LMX1B: variants seen among roughly 807,000 people sequenced by gnomAD.
LMX1B encodes the protein LIM homeobox transcription factor 1-beta.
In LMX1B, 12 loss-of-function variants were observed where a neutral mutation model predicts 51.4. That is an observed-to-expected ratio of 0.23 (90% CI 0.15 to 0.38). The LOEUF (loss-of-function observed/expected upper bound fraction) is 0.38. Ranked by LOEUF, LMX1B falls within the 10% of genes least tolerant of loss-of-function variation. LMX1B has a pLI of 1.00. For synonymous variants in LMX1B, 237 were observed against 235.4 expected, an observed-to-expected ratio of 1.01 and a Z score of -0.06; for missense variants, 445 against 571.1, an observed-to-expected ratio of 0.78 and a Z score of 2.25.
intron 2 of LMX1B, among the ~76,000 whole-genome samples, chr9:126,678,423 A>T (rs1836613583): frequency 6.6e-6 from 1 of 152,060 alleles, no homozygotes; most frequent in Non-Finnish European, 1.5e-5. Context: ...GAAGGGCAAG[A>T]AGGAGCTCAC....
Position 126,673,270 on chromosome 9 carries a change from G to C in LMX1B, c.327-17566G>C, listed in dbSNP as rs1250789708. On this transcript the variant is annotated intron_variant, in intron 2 of 7. Coordinates refer to ENST00000373474, the MANE Select transcript of LMX1B (RefSeq NM_001174147.2). The surrounding 1 kb of genome is among the most constrained non-coding windows in gnomAD (Gnocchi z 4.4). Reference sequence around the variant, plus strand: ...CCCCTACCTAGGGAAAGGGCATTGAGGGGACCTGTCAGAGTGAATGGGGAG... The same window carrying C: ...CCCCTACCTAGGGAAAGGGCATTGACGGGACCTGTCAGAGTGAATGGGGAG... Among the ~76,000 whole-genome samples, 1 of 152,160 alleles carries C rather than the reference G, an allele frequency of 6.6e-6. No homozygotes were observed. Among genetic ancestry groups the C allele is most frequent in the African/African-American group, 2.4e-5 (1 of 41,448 alleles).
intron 2 of LMX1B, among the ~76,000 whole-genome samples, chr9:126,689,291 G>A (rs1470162551): frequency 2.0e-5 from 3 of 152,194 alleles, no homozygotes; most frequent in South Asian, 2.1e-4. Context: ...CCAGCTCGCC[G>A]TGGGCGGTTC....
intron 2 of LMX1B, among the ~76,000 whole-genome samples, chr9:126,681,917 A>T (rs942567034): frequency 8.6e-4 from 130 of 150,660 alleles, no homozygotes; most frequent in African/African-American, 3.1e-3. Flanking sequence ...AAAAAATAAT[A>T]ATAATAAAAT....
At chr9:126,652,362 G>A (rs576801067) in intron 2 of LMX1B, among the ~76,000 whole-genome samples, 27 of 152,174 alleles carry the variant, frequency 1.8e-4, no homozygotes, top group African/African-American at 4.3e-4. Context: ...AAGGGCTCCC[G>A]TTCAAAGGCA....
rs568918956 is a variant in LMX1B at position 126,641,817 on chromosome 9, T to C, written c.326+26248T>C. Among the ~76,000 whole-genome samples, 1 of 152,322 alleles carries C rather than the reference T, an allele frequency of 6.6e-6. No homozygotes were observed. Among genetic ancestry groups the C allele is most frequent in the South Asian group, 2.1e-4 (1 of 4,828 alleles). On this transcript the variant is annotated intron_variant, in intron 2 of 7. Transcript: ENST00000373474. This position sits in a 1 kb window ranked among gnomAD's most constrained non-coding sequence, Gnocchi z 4.1. ...GCTGCTGTCCACAGCACCCAGCCTC[T>C]TGCCACTCACGCGTGAGCAATTGTG... is the stretch of plus-strand genomic sequence containing the variant.
chr9:126,686,197 G>C (rs1008758311), intron 2 of LMX1B, among the ~76,000 whole-genome samples: 1 of 149,460 alleles, frequency 6.7e-6, no homozygotes, highest in African/African-American at 2.5e-5. Flanking sequence ...GGAGAACAGC[G>C]TGAACCCAGG....
At chr9:126,668,497 A>G (rs1309094184) in intron 2 of LMX1B, among the ~76,000 whole-genome samples, 3 of 143,446 alleles carry the variant, frequency 2.1e-5, no homozygotes, top group Non-Finnish European at 4.6e-5. Flanking sequence ...TCTGTCGCCC[A>G]GGCTGTAGTG....
Position 126,673,002 on chromosome 9 carries a change from C to G in LMX1B, c.327-17834C>G, listed in dbSNP as rs1200853952. On this transcript the variant is annotated intron_variant, in intron 2 of 7. Transcript: ENST00000373474. The surrounding 1 kb of genome is among the most constrained non-coding windows in gnomAD (Gnocchi z 4.4). ...CTGTGGACTCCTCGCCCACACAAAG[C>G]AAGAGGCTCTTTTCGGCTTTTGCCC... Among the ~76,000 whole-genome samples, 2 of 152,250 alleles carry G rather than the reference C, an allele frequency of 1.3e-5. No individual in the cohort carries two copies.
At chr9:126,690,800 G>A (rs769740990) in intron 2 of LMX1B, 36 bp from the exon 3 acceptor site, 2 of 1,558,042 alleles carry the variant, frequency 1.3e-6, no homozygotes, top group Non-Finnish European at 1.7e-6. Flanking sequence ...AGGGACTTCT[G>A]AGCACCGCCA....
chr9:126,632,105 C>A (rs1835645494), intron 2 of LMX1B, among the ~76,000 whole-genome samples: 2 of 152,214 alleles, frequency 1.3e-5, no homozygotes, highest in South Asian at 4.1e-4. Flanking sequence ...CTCAGAGCCT[C>A]CACTCTCTCG....
chr9:126,645,574 C>G (rs1835884569), intron 2 of LMX1B, among the ~76,000 whole-genome samples: 1 of 152,178 alleles, frequency 6.6e-6, no homozygotes, highest in Non-Finnish European at 1.5e-5. Context: ...GGGCAGCCTG[C>G]TGGGGGAAGA....
intron 2 of LMX1B, among the ~76,000 whole-genome samples, chr9:126,660,241 CTGTGTGGGGGTGTCTACCCTAGCCTT>C (rs1836218407): frequency 1.5e-4 from 17 of 115,238 alleles, no homozygotes; most frequent in Admixed American, 1.7e-4. Flanking sequence ...AGAGATTGTT[CTGTGTGGGGGTGTCTACCCTAGCCTT>C]AGAGATTGTC....
chr9:126,662,313 G>C (rs1426356005), intron 2 of LMX1B, among the ~76,000 whole-genome samples: 1 of 152,180 alleles, frequency 6.6e-6, no homozygotes, highest in Non-Finnish European at 1.5e-5. Flanking sequence ...TCAGTACCTG[G>C]TGGTTTAATA....
At chr9:126,640,378 C>G (rs184623162) in intron 2 of LMX1B, among the ~76,000 whole-genome samples, 129 of 152,300 alleles carry the variant, frequency 8.5e-4, no homozygotes, top group African/African-American at 3.0e-3. Context: ...ACTGTCCTAC[C>G]CAGTCTGGGC....
chr9:126,643,678 T>C (rs1242392423), intron 2 of LMX1B, among the ~76,000 whole-genome samples: 1 of 152,222 alleles, frequency 6.6e-6, no homozygotes, highest in Non-Finnish European at 1.5e-5. Flanking sequence ...AGGACTGTCC[T>C]GAGCATCCTG....
At chr9:126,690,188 G>A (rs1414401827) in intron 2 of LMX1B, among the ~76,000 whole-genome samples, 1 of 152,234 alleles carries the variant, frequency 6.6e-6, no homozygotes, top group African/African-American at 2.4e-5. Context: ...TCAGGAGCTC[G>A]GATGGTCTCC....
At chr9:126,623,811 T>A (rs1835465300) in intron 2 of LMX1B, among the ~76,000 whole-genome samples, 1 of 152,178 alleles carries the variant, frequency 6.6e-6, no homozygotes, top group African/African-American at 2.4e-5. Flanking sequence ...AGAAAAAGGT[T>A]AGAATAATTG....
intron 2 of LMX1B, among the ~76,000 whole-genome samples, chr9:126,661,553 G>A (rs1421131449): frequency 1.3e-5 from 2 of 152,148 alleles, no homozygotes; most frequent in African/African-American, 4.8e-5. Flanking sequence ...ATGGAGAGGC[G>A]GCTTTCAGAG....
intron 2 of LMX1B, among the ~76,000 whole-genome samples, chr9:126,668,225 C>T (rs1316258572): frequency 6.6e-6 from 1 of 152,080 alleles, no homozygotes; most frequent in Non-Finnish European, 1.5e-5. Flanking sequence ...GGGAAAGATC[C>T]CTCTGGTTGG....
Sources: gnomAD v4.1 joint callset for allele counts (sites outside exome capture counted in the v4.1 genomes callset) on GRCh38, gnomAD v4.1.1 for gene constraint, Gnocchi (gnomAD v3.1) non-coding constraint, MANE v1.5 for transcripts, NCBI Gene and HGNC (gene_info 2026-07-23, HGNC 2026-07-21) for gene names.